The following MDN1 variants were observed in gnomAD, a reference collection of about 807,000 sequenced individuals.
MDN1 encodes midasin.
In MDN1, 266 loss-of-function variants were observed where a neutral mutation model predicts 669.2. The ratio of observed to expected loss-of-function variants is 0.40; its 90% CI spans 0.36 to 0.44. The LOEUF (loss-of-function observed/expected upper bound fraction) is 0.44, where lower values mean the gene tolerates loss of function less well. Among genes scored for constraint, MDN1 ranks in the 20% least tolerant of loss-of-function variants. The probability of loss-of-function intolerance (pLI) is 1.00; values close to 1 mark genes in which losing one functional copy is unlikely to be tolerated. For synonymous variants in MDN1, 2,385 were observed against 2,457.1 expected, an observed-to-expected ratio of 0.97 and a Z score of 0.87; for missense variants, 5,940 against 6,754.0, an observed-to-expected ratio of 0.88 and a Z score of 4.22.
chr6:89,726,961 AATGCAATTCCACTAAAT>A (rs1184541421), intron 37 of MDN1, among the ~76,000 whole-genome samples: 1 of 152,218 alleles, frequency 6.6e-6, no homozygotes, highest in Non-Finnish European at 1.5e-5. Flanking sequence ...GTCGTCCCTG[AATGCAATTCCACTAAAT>A]ATGCAATTCC....
chr6:89,728,850 T>C (rs111538655), intron 36 of MDN1, 81 bp downstream of exon 36: 2 of 1,388,294 alleles, frequency 1.4e-6, no homozygotes, highest in African/African-American at 1.4e-5. Flanking sequence ...AATGTAATCA[T>C]TTCTGATTAG....
chr6:89,664,580 C>T lies in MDN1; in HGVS notation c.14143G>A (p.Asp4715Asn), dbSNP rs756583792. The T allele has an allele frequency of 1.2e-6, 2 of 1,613,622 alleles. No homozygotes were observed. The highest frequency in any genetic ancestry group is 1.7e-6 in the Non-Finnish European group (2 of 1,179,558). ...KGQEKDKEDP[D>N]SKSDIKGEDN... ...TCGCCCTTAATATCAGATTTTGAAT[C>T]AGGATCCTCTTTGTCTTTTTCTTGA... The change falls in exon 85 of 102, where the codon GAT becomes AAT. Residue 4715 changes from aspartate (D) to asparagine (N), a missense_variant. Asp to Asn is a conservative substitution (Grantham distance 23). This residue lies in a region of MDN1 where 2,280 missense variants were observed against 2,576.3 expected (regional missense o/e 0.88). Transcript: ENST00000369393.
Position 89,711,948 on chromosome 6 carries a change from G to A in MDN1, c.7651+88C>T. 4.2e-6 allele frequency: 5 copies of A among 1,199,804 alleles called. No individual in the cohort carries two copies. In the South Asian group the frequency reaches 7.3e-5, roughly 17 times the overall value. 74.3% of individuals were successfully genotyped at this position (1,199,804 alleles called of 1,614,324 possible). A position where few individuals can be genotyped will look rare whatever the true frequency, so the allele number is the denominator to read the frequency against. Reference sequence around the variant, plus strand: ...TCCCAACTGTAATTTTAACAGTGTAGTCACAGATTAACACAGCTGCTGAGG... The same window carrying A: ...TCCCAACTGTAATTTTAACAGTGTAATCACAGATTAACACAGCTGCTGAGG... On this transcript the variant is annotated intron_variant, in intron 49 of 101. Coordinates refer to ENST00000369393, the MANE Select transcript of MDN1 (RefSeq NM_014611.3).
intron 44 of MDN1, 26 bp from the exon 45 acceptor site, chr6:89,715,795 G>C: frequency 6.9e-7 from 1 of 1,454,806 alleles, no homozygotes; most frequent in Non-Finnish European, 9.7e-7. Flanking sequence ...TCAGATGGTG[G>C]ATAGGCTGAC....
At chr6:89,708,705 TTTCA>T in intron 50 of MDN1, 77 bp from the exon 51 acceptor site, 1 of 1,488,718 alleles carries the variant, frequency 6.7e-7, no homozygotes, top group Non-Finnish European at 9.2e-7. Flanking sequence ...AGTTGAATAT[TTTCA>T]TTGTTTTACT....
chr6:89,729,131 G>A lies in MDN1; in HGVS notation c.5149C>T (p.Leu1717=), dbSNP rs781255893. 6.2e-7 allele frequency: 1 copy of A among 1,612,320 alleles called. No homozygotes were observed. Among genetic ancestry groups the A allele is most frequent in the South Asian group, 1.1e-5 (1 of 90,990 alleles). ...HPFFIPRGPV[L]HRNNIADYAL... is the part of the protein sequence containing the mutation. Reference sequence around the variant, plus strand: ...TAGTCTGCAATATTATTCCTGTGTAGGACAGGTCCTTAAGTGGAGAAAAGT... The same window carrying A: ...TAGTCTGCAATATTATTCCTGTGTAAGACAGGTCCTTAAGTGGAGAAAAGT... Residue 1717 remains leucine (L), a synonymous_variant, in exon 36 of 102, where the codon CTA becomes TTA. Transcript: ENST00000369393.
At chr6:89,670,728 T>C (rs1810694197) in intron 83 of MDN1, among the ~76,000 whole-genome samples, 191 bp downstream of exon 83, 1 of 152,078 alleles carries the variant, frequency 6.6e-6, no homozygotes, top group South Asian at 2.1e-4. Flanking sequence ...CATCTGCAGG[T>C]TCTGAGACTT....
chr6:89,765,183 G>A (rs989308263), intron 15 of MDN1, among the ~76,000 whole-genome samples: 3 of 152,102 alleles, frequency 2.0e-5, no homozygotes, highest in East Asian at 1.9e-4. Context: ...GCGTGAACCC[G>A]GGAACAGAGG....
intron 32 of MDN1, among the ~76,000 whole-genome samples, chr6:89,739,071 T>A (rs1353833103): frequency 6.6e-6 from 1 of 152,232 alleles, no homozygotes; most frequent in South Asian, 2.1e-4. Context: ...CTGATTACTT[T>A]GTAATTACTT....
rs16882099 is a variant in MDN1 at position 89,723,137 on chromosome 6, G to A, written c.5785C>T (p.His1929Tyr). The A allele has an allele frequency of 6.2e-7, 1 of 1,613,822 alleles. No individual in the cohort carries two copies. Among genetic ancestry groups the A allele is most frequent in the African/African-American group, 1.3e-5 (1 of 74,998 alleles). Residue 1929 changes from histidine to tyrosine, a missense_variant, in exon 40 of 102, where the codon CAT becomes TAT. Transcript: ENST00000369393. Reference protein sequence around the residue: ...KMVAFNNQIDHEVTVEKKWGQ... With the variant: ...KMVAFNNQIDYEVTVEKKWGQ... ...CATTTCTTCTCAACAGTCACTTCAT[G>A]ATCAATCTAGAAAGAAAACATCCTG...
At chr6:89,787,182 A>T (rs1361524982) in intron 8 of MDN1, among the ~76,000 whole-genome samples, 1 of 152,160 alleles carries the variant, frequency 6.6e-6, no homozygotes, top group East Asian at 1.9e-4. Flanking sequence ...GTAAACACTA[A>T]TATAATCATT....
intron 16 of MDN1, 41 bp downstream of exon 16, chr6:89,762,278 C>G (rs1213518042): frequency 6.6e-7 from 1 of 1,521,722 alleles, no homozygotes; most frequent in East Asian, 2.3e-5. Flanking sequence ...TAAAGCCCAG[C>G]CCCATGCCCT....
intron 70 of MDN1, 80 bp from the exon 71 acceptor site, chr6:89,685,065 G>T: frequency 1.2e-6 from 1 of 855,842 alleles, no homozygotes. Context: ...TCATATTTCA[G>T]TGATGACCCT....
At chr6:89,745,978 A>T (rs543692582) in intron 27 of MDN1, among the ~76,000 whole-genome samples, 1 of 152,362 alleles carries the variant, frequency 6.6e-6, no homozygotes, top group South Asian at 2.1e-4. Flanking sequence ...CCACATAAAA[A>T]GAAAAAGAAA....
In MDN1 at chr6:89,642,970, T is replaced by G. The variant is rs930341299; in HGVS notation, c.*1035A>C. 1 of 152,232 alleles carries G rather than the reference T, an allele frequency of 6.6e-6. No individual in the cohort carries two copies. Among genetic ancestry groups the G allele is most frequent in the African/African-American group, 2.4e-5 (1 of 41,454 alleles). 9.4% of individuals were successfully genotyped at this position (152,232 alleles called of 1,614,324 possible). On this transcript the variant is annotated 3_prime_UTR_variant, in exon 102 of 102. Transcript: ENST00000369393. ...ACTTGGAAACAGACAAGGAGATAGA[T>G]GATTACATCATGACATACTGCCTAC...
intron 8 of MDN1, 108 bp from the exon 9 acceptor site, chr6:89,785,234 C>T: frequency 2.7e-6 from 2 of 736,554 alleles, no homozygotes; most frequent in South Asian, 3.3e-5. Context: ...GAAAAATATT[C>T]ATAATCCCTT....
At chr6:89,696,752 T>C (rs1212287229) in intron 59 of MDN1, among the ~76,000 whole-genome samples, 178 bp from the exon 60 acceptor site, 3 of 152,136 alleles carry the variant, frequency 2.0e-5, no homozygotes, top group Non-Finnish European at 4.4e-5. Context: ...GAAAGTGGAC[T>C]CCATGCTCTA....
rs1813195085 is a variant in MDN1 at position 89,702,039 on chromosome 6, C to T, written c.8171G>A (p.Arg2724Gln). 3 of 1,607,896 alleles carry T rather than the reference C, an allele frequency of 1.9e-6. No homozygotes were observed. Among genetic ancestry groups the T allele is most frequent in the African/African-American group, 1.3e-5 (1 of 74,640 alleles). Residue 2724 changes from arginine (R) to glutamine (Q), a missense_variant, in exon 54 of 102, where the codon CGG becomes CAG. This residue lies in a region of MDN1 where 2,292 missense variants were observed against 2,638.3 expected (regional missense o/e 0.87). Transcript: ENST00000369393. ...ANEILGSLRW[R>Q]DRFWTVADTV... The stretch of plus-strand genomic sequence containing the variant: ...GTCGGCCACAGTCCAGAACCGGTCC[C>T]GCCACCGCAGAGAACCTAAGATCTA...
chr6:89,650,627 G>A (rs7768654), intron 96 of MDN1, 105 bp downstream of exon 96: 699,940 of 825,136 alleles, frequency 0.85, 297,891 homozygotes, highest in East Asian at 1. Context: ...ACAAGCGGCA[G>A]CCTAGAAGCT....
Sources: allele counts gnomAD v4.1 joint callset (sites outside exome capture counted in the v4.1 genomes callset), GRCh38; gene constraint gnomAD v4.1.1; regional missense constraint gnomAD v4.1.1; transcripts MANE v1.5; gene names NCBI Gene and HGNC (gene_info 2026-07-23, HGNC 2026-07-21).